ANKFN1: variants seen among roughly 807,000 people sequenced by gnomAD.
ANKFN1 encodes the protein ankyrin repeat and fibronectin type-III domain-containing protein 1.
ANKFN1 carries 74 observed loss-of-function variants against 108.7 expected under a neutral mutation model. The ratio of observed to expected loss-of-function variants is 0.68; its 90% CI spans 0.56 to 0.83. ANKFN1 has a LOEUF of 0.83. Among genes scored for constraint, ANKFN1 ranks in the 40% least tolerant of loss-of-function variants. The pLI, the probability that ANKFN1 is intolerant of heterozygous loss-of-function variation, is 0.00. For synonymous variants in ANKFN1, 547 were observed against 516.2 expected, an observed-to-expected ratio of 1.06 and a Z score of -0.81; for missense variants, 1,505 against 1,382.3, an observed-to-expected ratio of 1.09 and a Z score of -1.41.
At chr17:56,239,278 A>G (rs934501200) in intron 3 of ANKFN1, among the ~76,000 whole-genome samples, 2 of 152,180 alleles carry the variant, frequency 1.3e-5, no homozygotes, top group African/African-American at 4.8e-5. Flanking sequence ...AATGGCTACA[A>G]AAATACAGTT....
At chr17:56,145,702 G>T (rs1380846111) in intron 4 of ANKFN1, among the ~76,000 whole-genome samples, 1 of 152,080 alleles carries the variant, frequency 6.6e-6, no homozygotes, top group Non-Finnish European at 1.5e-5. Context: ...ATATTATTCT[G>T]CCCCTGGACC....
intron 3 of ANKFN1, among the ~76,000 whole-genome samples, chr17:56,293,540 C>T (rs1478504139): frequency 6.6e-6 from 1 of 152,090 alleles, no homozygotes; most frequent in African/African-American, 2.4e-5. Context: ...AAGGCAGATC[C>T]CAGATTCAGG....
intron 4 of ANKFN1, among the ~76,000 whole-genome samples, chr17:56,114,089 T>C (rs937085460): frequency 3.3e-5 from 5 of 152,212 alleles, no homozygotes; most frequent in Non-Finnish European, 7.3e-5. Context: ...AAAACAGGGA[T>C]CTGTGCCTCC....
At position 56,477,485 on chromosome 17, in the gene ANKFN1, C is replaced by G. The variant is rs758730035; in HGVS notation, c.1774-3C>G. On this transcript the variant is annotated splice_polypyrimidine_tract_variant and splice_region_variant and intron_variant, in intron 15 of 20. Transcript: ENST00000682825. ...CTTTTTTTTTTTTTTTTTAACCCTA[C>G]AGGATATTCTATCCTATCACAAAAG... 7 of 1,372,764 alleles carry G rather than the reference C, an allele frequency of 5.1e-6. No homozygotes were observed. Among genetic ancestry groups the G allele is most frequent in the South Asian group, 1.3e-5 (1 of 77,586 alleles). 85.0% of individuals were successfully genotyped at this position (1,372,764 alleles called of 1,614,324 possible). A position where few individuals can be genotyped will look rare whatever the true frequency, so the allele number is the denominator to read the frequency against.
At chr17:56,302,083 C>T (rs900307751) in intron 3 of ANKFN1, among the ~76,000 whole-genome samples, 3 of 152,302 alleles carry the variant, frequency 2.0e-5, no homozygotes, top group Admixed American at 6.5e-5. Context: ...TGGTAAGTAT[C>T]ATTCTCCCTA....
intron 6 of ANKFN1, 34 bp downstream of exon 6, chr17:56,354,080 A>T (rs775440698): frequency 6.2e-6 from 10 of 1,601,444 alleles, no homozygotes; most frequent in Non-Finnish European, 7.7e-6. Context: ...ATGTACTATT[A>T]AAGCCAGATT....
chr17:56,129,487 T>TAAA (rs11285113), intron 4 of ANKFN1, among the ~76,000 whole-genome samples: 1 of 146,262 alleles, frequency 6.8e-6, no homozygotes, highest in African/African-American at 2.5e-5. Flanking sequence ...AACCACTCCA[T>TAAA]AAAAAAAAAA....
At chr17:56,282,103 T>C (rs905954676) in intron 3 of ANKFN1, among the ~76,000 whole-genome samples, 1 of 152,130 alleles carries the variant, frequency 6.6e-6, no homozygotes, top group African/African-American at 2.4e-5. Flanking sequence ...TCAACAGATA[T>C]AAGGATAAAT....
At chr17:56,458,917 G>A (rs536868355) in intron 14 of ANKFN1, among the ~76,000 whole-genome samples, 10 of 152,082 alleles carry the variant, frequency 6.6e-5, no homozygotes, top group Non-Finnish European at 1.3e-4. Context: ...TACAATTATA[G>A]GAATGTCATT....
upstream of ANKFN1, among the ~76,000 whole-genome samples, chr17:56,152,065 T>C (rs1908662592): frequency 6.6e-6 from 1 of 152,160 alleles, no homozygotes; most frequent in Non-Finnish European, 1.5e-5. Context: ...GGGCCATTCC[T>C]GTGATTATGT....
intron 4 of ANKFN1, among the ~76,000 whole-genome samples, chr17:56,145,925 C>G (rs530686991): frequency 2.6e-5 from 4 of 152,306 alleles, no homozygotes; most frequent in African/African-American, 9.6e-5. Context: ...AGTCCAAAGT[C>G]TCATCTGAGA....
intron 1 of ANKFN1, among the ~76,000 whole-genome samples, chr17:56,170,774 TTATATATA>T (rs60304505): frequency 0.013 from 870 of 68,088 alleles, 22 homozygotes; most frequent in African/African-American, 0.037. Context: ...AAAAAATTTT[TTATATATA>T]TATATATATA....
At chr17:56,412,427 G>GATT (rs2048118983) in intron 8 of ANKFN1, among the ~76,000 whole-genome samples, 1 of 152,152 alleles carries the variant, frequency 6.6e-6, no homozygotes, top group South Asian at 2.1e-4. Context: ...GTGTCTGTGA[G>GATT]GGTGTTGCCA....
In ANKFN1 at chr17:56,088,616, C is replaced by A. The variant is rs1321801483; in HGVS notation, c.288+42291C>A. Among the ~76,000 whole-genome samples, 6 of 151,222 alleles carry A rather than the reference C, an allele frequency of 4.0e-5. No individual in the cohort carries two copies. In the East Asian group the frequency reaches 9.7e-4, roughly 24 times the overall value. ...TCCAGCCTCCACTCTCATCTCCTCT[C>A]CCCTCCCCAGCTACCTCTGGGGCAT... On this transcript the variant is annotated intron_variant, in intron 4 of 12. Coordinates refer to the ANKFN1 transcript ENST00000635860.
rs181860517 is a variant in ANKFN1 at position 56,196,692 on chromosome 17, T to G, written c.-70-15906T>G. 1.7e-3 allele frequency among the ~76,000 whole-genome samples: 261 copies of G among 152,248 alleles called. 3 individuals are homozygous for G. The highest frequency in any genetic ancestry group is 6.0e-3 in the African/African-American group (251 of 41,542). On this transcript the variant is annotated intron_variant, in intron 1 of 20. Coordinates refer to ENST00000682825, the MANE Select transcript of ANKFN1 (RefSeq NM_001370326.1). Reference sequence around the variant, plus strand: ...GGAGTTTGAGGTTGCAGTGAACTATTAATGCATGACTCCACTCCAGCCTGG... The same window carrying G: ...GGAGTTTGAGGTTGCAGTGAACTATGAATGCATGACTCCACTCCAGCCTGG...
At chr17:56,400,039 T>C (rs937951681) in intron 8 of ANKFN1, among the ~76,000 whole-genome samples, 33 of 151,900 alleles carry the variant, frequency 2.2e-4, no homozygotes, top group Admixed American at 2.2e-3. Context: ...TGTACTACTA[T>C]AAACATGCAT....
intron 11 of ANKFN1, among the ~76,000 whole-genome samples, chr17:56,455,865 C>A (rs1398477836): frequency 6.6e-6 from 1 of 152,206 alleles, no homozygotes; most frequent in Non-Finnish European, 1.5e-5. Flanking sequence ...TCTGTTTTCC[C>A]AGGCACTGAC....
Position 56,118,341 on chromosome 17 carries a change from A to G in ANKFN1, c.288+72016A>G, listed in dbSNP as rs1161551874. On this transcript the variant is annotated intron_variant, in intron 4 of 12. Coordinates refer to the ANKFN1 transcript ENST00000635860. Reference sequence around the variant, plus strand: ...CTCAAAAGTAGCCACAACATAGTACATTTCCAGCAGCAATGAATGAAAGTT... The same window carrying G: ...CTCAAAAGTAGCCACAACATAGTACGTTTCCAGCAGCAATGAATGAAAGTT... 2.0e-5 allele frequency among the ~76,000 whole-genome samples: 3 copies of G among 152,270 alleles called. No individual in the cohort carries two copies. The East Asian group carries it at 5.8e-4, about 29-fold the overall frequency.
At chr17:56,343,983 ATTTC>A (rs1007627366) in intron 4 of ANKFN1, among the ~76,000 whole-genome samples, 2 of 151,678 alleles carry the variant, frequency 1.3e-5, no homozygotes, top group African/African-American at 4.8e-5. Flanking sequence ...AATTTTCTTT[ATTTC>A]TTTGGGTATG....
Sources: gnomAD v4.1 joint callset for allele counts (sites outside exome capture counted in the v4.1 genomes callset) on GRCh38, gnomAD v4.1.1 for gene constraint, MANE v1.5 for transcripts, NCBI Gene and HGNC (gene_info 2026-07-23, HGNC 2026-07-21) for gene names.